ZNF683: variants seen among roughly 807,000 people sequenced by gnomAD.
ZNF683 encodes the protein tissue-resident T-cell transcription regulator protein ZNF683.
Under a neutral mutation model 31.4 loss-of-function variants are expected in ZNF683, and 20 were observed. The observed-to-expected ratio is 0.64, with a 90% CI of 0.45 to 0.93. ZNF683 has a LOEUF of 0.93. Ranked by LOEUF, ZNF683 falls within the 40% of genes least tolerant of loss-of-function variation. The probability of loss-of-function intolerance (pLI) is 0.00; values close to 1 mark genes in which losing one functional copy is unlikely to be tolerated. For missense variants in ZNF683, 621 were observed against 637.2 expected, an observed-to-expected ratio of 0.97 and a Z score of 0.27; for synonymous variants, 264 against 267.6, an observed-to-expected ratio of 0.99 and a Z score of 0.13.
Position 26,364,576 on chromosome 1 carries a change from A to G in ZNF683, c.970T>C (p.Cys324Arg). ...CCAAAGCTCTTGCCACATATGTTGC[A>G]CTCGTACAGGATTTTGCCATTCTTC... ...KKKNGKILYE[C>R]NICGKSFGQL... Residue 324 changes from cysteine to arginine, a missense_variant, in exon 4 of 6, where the codon TGC (cysteine) becomes CGC (arginine). Cys to Arg is a radical substitution (Grantham distance 180). Transcript: ENST00000349618. 6.2e-7 allele frequency: 1 copy of G among 1,613,908 alleles called. No homozygotes were observed. The highest frequency in any genetic ancestry group is 8.5e-7 in the Non-Finnish European group (1 of 1,179,870).
chr1:26,366,630 A>G (rs1184114633), intron 3 of ZNF683, among the ~76,000 whole-genome samples: 1 of 151,698 alleles, frequency 6.6e-6, no homozygotes, highest in African/African-American at 2.4e-5. Context: ...CAGAACCGAG[A>G]CTCCAACCCC....
intron 1 of ZNF683, among the ~76,000 whole-genome samples, chr1:26,369,996 CAAT>C (rs2074631788): frequency 2.2e-5 from 2 of 91,214 alleles, no homozygotes; most frequent in East Asian, 2.1e-3. Context: ...GACCCTGTCT[CAAT>C]CAATCAATCA....
At chr1:26,368,781 G>A (rs2074594246) in intron 1 of ZNF683, among the ~76,000 whole-genome samples, 196 bp from the exon 2 acceptor site, 2 of 152,246 alleles carry the variant, frequency 1.3e-5, no homozygotes, top group Admixed American at 6.5e-5. Flanking sequence ...TTGACATTTA[G>A]AAGCCAGTGA....
chr1:26,374,185 A>C (rs2074718812), upstream of ZNF683: 1 of 1,266,134 alleles, frequency 7.9e-7, no homozygotes, highest in Non-Finnish European at 1.0e-6. Context: ...CCCAGGCCAC[A>C]AGCCCGCCTC....
upstream of ZNF683, chr1:26,374,271 CA>C (rs1275217932): frequency 7.7e-7 from 1 of 1,304,134 alleles, no homozygotes; most frequent in Non-Finnish European, 1.0e-6. Context: ...GGCACTTCCC[CA>C]CACACCTTTG....
upstream of ZNF683, chr1:26,374,281 T>G (rs576843986): frequency 1.9e-4 from 247 of 1,304,154 alleles, no homozygotes; most frequent in Non-Finnish European, 2.4e-4. Flanking sequence ...CACACACCTT[T>G]GGCTTCCATC....
intron 3 of ZNF683, 137 bp from the exon 4 acceptor site, chr1:26,365,363 T>A: frequency 1.1e-6 from 1 of 930,128 alleles, no homozygotes. Flanking sequence ...GCTGAACAAT[T>A]TCAGGGGGAG....
At chr1:26,372,762 T>C, upstream of ZNF683, 2 of 1,207,444 alleles carry the variant, frequency 1.7e-6, no homozygotes, top group Non-Finnish European at 2.1e-6. Context: ...GTCCTCCCTT[T>C]GTGCTACCTC....
intron 1 of ZNF683, 92 bp downstream of exon 1, chr1:26,372,577 A>T: frequency 1.5e-6 from 2 of 1,304,758 alleles, no homozygotes; most frequent in Non-Finnish European, 1.0e-6. Flanking sequence ...CTGGCATCAC[A>T]CTCTGCTCCC....
Position 26,367,759 on chromosome 1 carries a change from A to G in ZNF683, c.153T>C (p.Asp51=), listed in dbSNP as rs2074563742. The part of the protein sequence containing the change: ...SACRPLPDMV[D]AHGPSCASWL... Reference sequence around the variant, plus strand: ...AGCTGGCACAGGATGGGCCATGAGCATCCACCATGTCTGGAAGTGGTCTGC... The same window carrying G: ...AGCTGGCACAGGATGGGCCATGAGCGTCCACCATGTCTGGAAGTGGTCTGC... Residue 51 remains aspartate (D), a synonymous_variant, in exon 3 of 6, where the codon GAT becomes GAC. Coordinates refer to ENST00000349618, the MANE Select transcript of ZNF683 (RefSeq NM_001114759.3). 6.2e-7 allele frequency: 1 copy of G among 1,606,482 alleles called. No individual in the cohort carries two copies. Among genetic ancestry groups the G allele is most frequent in the African/African-American group, 1.3e-5 (1 of 74,794 alleles).
Position 26,363,077 on chromosome 1 carries a change from G to A in ZNF683, c.1092C>T (p.His364=), listed in dbSNP as rs775825065. 1.2e-6 allele frequency: 2 copies of A among 1,612,626 alleles called. No homozygotes were observed. The highest frequency in any genetic ancestry group is 1.7e-6 in the Non-Finnish European group (2 of 1,179,356). The change falls in exon 5 of 6, where the codon CAC becomes CAT. Residue 364 remains histidine (H), a synonymous_variant. Coordinates refer to ENST00000349618, the MANE Select transcript of ZNF683 (RefSeq NM_001114759.3). ...LCQKSFTQLA[H]LQKHHLVHTG... ...TGTGCACCAGGTGGTGCTTCTGCAG[G>A]TGGGCAAGTTGAGTGAAGCTCTTCT...
intron 5 of ZNF683, 81 bp downstream of exon 5, chr1:26,362,945 G>A (rs150150600): frequency 1.9e-5 from 28 of 1,498,396 alleles, no homozygotes; most frequent in Admixed American, 4.0e-5. Context: ...GGGGAATGGA[G>A]GCTGCAGGTG....
chr1:26,370,998 G>C (rs2074657393), intron 1 of ZNF683, among the ~76,000 whole-genome samples: 1 of 152,170 alleles, frequency 6.6e-6, no homozygotes, highest in Non-Finnish European at 1.5e-5. Flanking sequence ...TACCCAGATG[G>C]CTGGACGGGA....
intron 1 of ZNF683, among the ~76,000 whole-genome samples, 160 bp from the exon 2 acceptor site, chr1:26,368,745 G>C (rs1384327371): frequency 2.6e-5 from 4 of 152,230 alleles, no homozygotes; most frequent in Non-Finnish European, 5.9e-5. Flanking sequence ...GGTTGGTCTA[G>C]TTGATGCGTA....
rs115308097 is a variant in ZNF683 at position 26,363,440 on chromosome 1, A to G, written c.1015-286T>C. On this transcript the variant is annotated intron_variant, in intron 4 of 5. Coordinates refer to ENST00000349618, the MANE Select transcript of ZNF683 (RefSeq NM_001114759.3). Reference sequence around the variant, plus strand: ...CACTTTGGGAGCATGTTAGAAATGCAGGTTCTCAAGTCCGGCCCCAGACCT... The same window carrying G: ...CACTTTGGGAGCATGTTAGAAATGCGGGTTCTCAAGTCCGGCCCCAGACCT... Among the ~76,000 whole-genome samples the G allele has an allele frequency of 5.2e-3, 791 of 152,308 alleles. 5 individuals are homozygous for G. Among genetic ancestry groups the G allele is most frequent in the African/African-American group, 0.017 (712 of 41,556 alleles).
chr1:26,365,714 T>C (rs371201356), intron 3 of ZNF683, among the ~76,000 whole-genome samples: 1 of 152,238 alleles, frequency 6.6e-6, no homozygotes, highest in Non-Finnish European at 1.5e-5. Flanking sequence ...AGTGCTATTC[T>C]AGATAAAGAG....
At position 26,364,805 on chromosome 1, in the gene ZNF683, G is replaced by A. The variant is rs772986411; in HGVS notation, c.741C>T (p.Ser247=). Residue 247 remains serine (S), a synonymous_variant, in exon 4 of 6, where the codon AGC becomes AGT. Coordinates refer to ENST00000349618, the MANE Select transcript of ZNF683 (RefSeq NM_001114759.3). The stretch of plus-strand genomic sequence containing the variant: ...AGGGAAGCAGGGTCTCCCACCGAGC[G>A]CTGGGGTGCCCCAGCTCATTGACCA... ...LMMVNELGHP[S]ARWETLLPYP... The A allele has an allele frequency of 9.3e-6, 12 of 1,285,148 alleles. No individual in the cohort carries two copies. In the African/African-American group the frequency reaches 1.5e-4, roughly 16 times the overall value. The allele number at this position is 1,285,148 out of a possible 1,614,324, so 79.6% of individuals were successfully genotyped here.
intron 2 of ZNF683, 117 bp downstream of exon 2, chr1:26,368,341 G>A (rs142916182): frequency 7.9e-6 from 10 of 1,258,482 alleles, no homozygotes; most frequent in Non-Finnish European, 9.5e-6. Flanking sequence ...TGGGATAGGG[G>A]GTGCTCAGAC....
At chr1:26,364,503 G>T in intron 4 of ZNF683, 29 bp downstream of exon 4, 1 of 1,611,992 alleles carries the variant, frequency 6.2e-7, no homozygotes, top group South Asian at 1.1e-5. Flanking sequence ...GGATGTTGAG[G>T]GGAGAAGCAG....
Sources: gnomAD v4.1 joint callset for allele counts (sites outside exome capture counted in the v4.1 genomes callset) on GRCh38, gnomAD v4.1.1 for gene constraint, MANE v1.5 for transcripts, NCBI Gene and HGNC (gene_info 2026-07-23, HGNC 2026-07-21) for gene names.